BCKDHB: variants seen among roughly 807,000 people sequenced by gnomAD.
The protein encoded by BCKDHB is branched chain keto acid dehydrogenase E1 subunit beta.
BCKDHB carries 41 observed loss-of-function variants against 48.5 expected under a neutral mutation model. That is an observed-to-expected ratio of 0.85 (90% confidence interval 0.66 to 1.10). BCKDHB has a LOEUF of 1.10. Ranked by LOEUF, BCKDHB falls within the 50% of genes least tolerant of loss-of-function variation. The pLI, the probability that BCKDHB is intolerant of heterozygous loss-of-function variation, is 0.00. For synonymous variants in BCKDHB, 201 were observed against 174.8 expected (o/e 1.15, Z -1.18); for missense variants, 496 against 494.2 (o/e 1.00, Z -0.03).
At chr6:80,431,569 A>T in the BCKDHB span, among the ~76,000 whole-genome samples, 2 of 152,206 alleles carry the variant, frequency 1.3e-5, no homozygotes, top group African/African-American at 4.8e-5. Flanking sequence ...CTTTACCATT[A>T]TGTAATGCCC....
rs368481295 is a variant in BCKDHB, at chr6:80,193,613, A to G, written c.743-7321A>G. 3.6e-4 allele frequency among the ~76,000 whole-genome samples: 54 copies of G among 151,828 alleles called. No individual in the cohort carries two copies. The East Asian group carries it at 9.8e-3, about 27-fold the overall frequency. ...CGGGCACCTGTAATCCCAGCTACTCAGGAGGCTGAGACAGGAGAATTGCAT... is the reference window on the plus strand; with the variant it reads ...CGGGCACCTGTAATCCCAGCTACTCGGGAGGCTGAGACAGGAGAATTGCAT... On this transcript the variant is annotated intron_variant, in intron 6 of 9. Coordinates refer to ENST00000320393, the MANE Select transcript of BCKDHB (RefSeq NM_183050.4).
intron 9 of BCKDHB, among the ~76,000 whole-genome samples, chr6:80,318,701 AAAAG>A (rs1455508534): frequency 4.4e-4 from 61 of 139,434 alleles, no homozygotes; most frequent in African/African-American, 1.9e-3. Context: ...AAAAAAAAAA[AAAAG>A]AAAAGAAATT....
chr6:80,118,086 C>G (rs995470050), intron 1 of BCKDHB, among the ~76,000 whole-genome samples: 1 of 152,064 alleles, frequency 6.6e-6, no homozygotes, highest in Non-Finnish European at 1.5e-5. Flanking sequence ...AATGTTTACC[C>G]AAGACTATTA....
chr6:80,224,389 T>A (rs1242961501), intron 8 of BCKDHB, among the ~76,000 whole-genome samples: 1 of 151,526 alleles, frequency 6.6e-6, no homozygotes. Context: ...AAAGAGAGAT[T>A]TTTTTCTTTC....
At chr6:80,167,904 A>T in intron 4 of BCKDHB, 93 bp downstream of exon 4, 1 of 1,259,678 alleles carries the variant, frequency 7.9e-7, no homozygotes, top group Non-Finnish European at 1.1e-6. Flanking sequence ...CATTCTAAAC[A>T]TTTTATTATC....
intron 1 of BCKDHB, among the ~76,000 whole-genome samples, chr6:80,109,445 A>T (rs1769302315): frequency 6.6e-6 from 1 of 152,190 alleles, no homozygotes; most frequent in Non-Finnish European, 1.5e-5. Flanking sequence ...TTATTTCTTT[A>T]GGATAGAGTC....
the BCKDHB span, among the ~76,000 whole-genome samples, chr6:80,409,575 CAT>C: frequency 5.4e-4 from 27 of 50,198 alleles, no homozygotes; most frequent in South Asian, 2.3e-3. Flanking sequence ...GTATTGGTTG[CAT>C]ATATATATAT....
At chr6:80,116,389 T>C (rs1000310682) in intron 1 of BCKDHB, among the ~76,000 whole-genome samples, 3 of 152,258 alleles carry the variant, frequency 2.0e-5, no homozygotes, top group Non-Finnish European at 1.5e-5. Flanking sequence ...TGAAATAGTG[T>C]TTGCATGTGT....
the BCKDHB span, among the ~76,000 whole-genome samples, chr6:80,415,903 G>T: frequency 6.6e-6 from 1 of 151,582 alleles, no homozygotes; most frequent in Admixed American, 6.6e-5. Flanking sequence ...TGTGGTCCTG[G>T]GCTTTTCTTG....
At chr6:80,157,728 C>G (rs992367845) in intron 3 of BCKDHB, among the ~76,000 whole-genome samples, 1 of 151,850 alleles carries the variant, frequency 6.6e-6, no homozygotes, top group Non-Finnish European at 1.5e-5. Flanking sequence ...ATCCGCCCAC[C>G]TCGGCCTCCC....
At chr6:80,165,499 A>G (rs1344311217) in intron 3 of BCKDHB, among the ~76,000 whole-genome samples, 1 of 152,206 alleles carries the variant, frequency 6.6e-6, no homozygotes, top group Admixed American at 6.5e-5. Context: ...AATTCTATAT[A>G]TGAAAAAGAA....
chr6:80,448,041 G>T, the BCKDHB span, among the ~76,000 whole-genome samples: 1 of 152,116 alleles, frequency 6.6e-6, no homozygotes, highest in African/African-American at 2.4e-5. Context: ...ATCATGGTAG[G>T]TACTATGCAG....
intron 9 of BCKDHB, among the ~76,000 whole-genome samples, chr6:80,310,183 C>T (rs1279450628): frequency 6.6e-6 from 1 of 151,814 alleles, no homozygotes; most frequent in East Asian, 1.9e-4. Context: ...GTTTGCTACA[C>T]AGATCATCCC....
At chr6:80,172,816 C>G (rs1772979667) in intron 6 of BCKDHB, among the ~76,000 whole-genome samples, 1 of 151,996 alleles carries the variant, frequency 6.6e-6, no homozygotes, top group African/African-American at 2.4e-5. Flanking sequence ...TTTCAGAGTT[C>G]CTGTTGCTCT....
chr6:80,330,529 G>A (rs887989832), intron 9 of BCKDHB, among the ~76,000 whole-genome samples: 1 of 152,126 alleles, frequency 6.6e-6, no homozygotes, highest in Non-Finnish European at 1.5e-5. Flanking sequence ...GATACTTGGA[G>A]ATGTTTTTGC....
the BCKDHB span, among the ~76,000 whole-genome samples, chr6:80,421,452 G>A: frequency 6.6e-6 from 1 of 152,218 alleles, no homozygotes; most frequent in Non-Finnish European, 1.5e-5. Context: ...AAAGGTGGAA[G>A]CAACTTTGAA....
At chr6:80,272,372 G>T (rs1013818875) in intron 8 of BCKDHB, among the ~76,000 whole-genome samples, 1 of 152,012 alleles carries the variant, frequency 6.6e-6, no homozygotes, top group African/African-American at 2.4e-5. Context: ...ATTTCTCTTT[G>T]GTACTATGAT....
At chr6:80,466,359 G>A in the BCKDHB span, among the ~76,000 whole-genome samples, 136,078 of 152,206 alleles carry the variant, frequency 0.89, 61,038 homozygotes, top group East Asian at 0.95. Context: ...TTGAAATTTT[G>A]TGAGAAAGAG....
At chr6:80,150,550 CTTT>C (rs758701261) in intron 3 of BCKDHB, among the ~76,000 whole-genome samples, 6 of 105,474 alleles carry the variant, frequency 5.7e-5, no homozygotes, top group African/African-American at 1.4e-4. Flanking sequence ...AGTTTGTCAT[CTTT>C]TTTTTTTTTT....
Sources: gnomAD v4.1 joint callset for allele counts (sites outside exome capture counted in the v4.1 genomes callset) on GRCh38, gnomAD v4.1.1 for gene constraint, MANE v1.5 for transcripts, NCBI Gene and HGNC (gene_info 2026-07-23, HGNC 2026-07-21) for gene names.